Variants in AASDHPPT observed in about 807,000 individuals in gnomAD.
AASDHPPT encodes the protein aminoadipate-semialdehyde dehydrogenase-phosphopantetheinyl transferase, also known as L-aminoadipate-semialdehyde dehydrogenase-phosphopantetheinyl transferase.
Under a neutral mutation model 36.4 loss-of-function variants are expected in AASDHPPT, and 23 were observed. The observed-to-expected ratio is 0.63, with a 90% CI of 0.45 to 0.89. AASDHPPT has a LOEUF of 0.89. Among genes scored for constraint, AASDHPPT ranks in the 40% least tolerant of loss-of-function variants. The pLI is 0.00. For synonymous variants in AASDHPPT, 115 were observed against 128.0 expected, an observed-to-expected ratio of 0.90 and a Z score of 0.68; for missense variants, 377 against 378.2, an observed-to-expected ratio of 1.00 and a Z score of 0.03.
At chr11:106,092,159 A>C (rs1420410704) in intron 4 of AASDHPPT, 1 of 152,150 alleles carries the variant, frequency 6.6e-6, no homozygotes, top group African/African-American at 2.4e-5. Context: ...GTAACAGTTT[A>C]TAAACAATTT....
At chr11:106,088,237 T>A (rs1861217531) in intron 2 of AASDHPPT, among the ~76,000 whole-genome samples, 1 of 152,116 alleles carries the variant, frequency 6.6e-6, no homozygotes, top group Non-Finnish European at 1.5e-5. Flanking sequence ...ATCAGTTTTT[T>A]AATAGCATGC....
At chr11:106,081,109 G>A (rs1565410003) in intron 2 of AASDHPPT, among the ~76,000 whole-genome samples, 2 of 152,172 alleles carry the variant, frequency 1.3e-5, no homozygotes, top group Non-Finnish European at 2.9e-5. Context: ...ACCTTGCCTA[G>A]CATGTAATAG....
Position 106,079,552 on chromosome 11 carries a change from GA to G in AASDHPPT, c.273del (p.Lys91AsnfsTer40). 6.2e-7 allele frequency: 1 copy of G among 1,614,090 alleles called. No individual in the cohort carries two copies. Among genetic ancestry groups the G allele is most frequent in the East Asian group, 2.2e-5 (1 of 44,878 alleles). On this transcript the variant is annotated frameshift_variant, in exon 2 of 6. Coordinates refer to ENST00000278618, the MANE Select transcript of AASDHPPT (RefSeq NM_015423.3). LOFTEE classifies it high-confidence loss of function. ...ATTCGTTTGCAAAGAACTGCAAAAG[GA>G]AAACCAGTTCTTGCAAAGGACTCAT... The part of the protein sequence containing the change: ...NHIRLQRTAK[G>X]KPVLAKDSSN...
intron 5 of AASDHPPT, among the ~76,000 whole-genome samples, chr11:106,096,165 A>AT (rs1861311131): frequency 6.6e-6 from 1 of 152,216 alleles, no homozygotes. Flanking sequence ...TTAAAGCGCT[A>AT]TACAAAACCC....
chr11:106,077,836 C>T lies in AASDHPPT; in HGVS notation c.126C>T (p.Pro42=), dbSNP rs11553947. Residue 42 remains proline, a synonymous_variant, in exon 1 of 6, where the codon CCC becomes CCT. Coordinates refer to ENST00000278618, the MANE Select transcript of AASDHPPT (RefSeq NM_015423.3). ...TGCTGGCAGTGCGATCGATTCAGCC[C>T]GAGGAGAAGGAGCGCATTGGCCAGT... ...EWLLAVRSIQ[P]EEKERIGQFV... 9.1e-3 allele frequency: 14,724 copies of T among 1,614,176 alleles called. 180 individuals carry two copies. The highest frequency in any genetic ancestry group is 8.2e-3 in the Non-Finnish European group (9,625 of 1,180,004).
chr11:106,081,284 T>C (rs773202148), intron 2 of AASDHPPT, among the ~76,000 whole-genome samples: 104 of 152,230 alleles, frequency 6.8e-4, no homozygotes, highest in Non-Finnish European at 1.1e-3. Flanking sequence ...TACAACTCTA[T>C]TCTCAGGTTT....
chr11:106,077,672 C>T lies in AASDHPPT; in HGVS notation c.-39C>T, dbSNP rs1448448537. 6.3e-6 allele frequency: 10 copies of T among 1,594,636 alleles called. No homozygotes were observed. The highest frequency in any genetic ancestry group is 8.6e-6 in the Non-Finnish European group (10 of 1,167,048). On this transcript the variant is annotated 5_prime_UTR_variant, in exon 1 of 6. Transcript: ENST00000278618. ...GGTGGGGCCACGTTTGCGTCCGCGC[C>T]ATCAGGCCCGAGATAGCGGCGAGGT...
At chr11:106,083,681 G>C (rs1333712204) in intron 2 of AASDHPPT, among the ~76,000 whole-genome samples, 1 of 152,028 alleles carries the variant, frequency 6.6e-6, no homozygotes, top group African/African-American at 2.4e-5. Flanking sequence ...TCAATTCAGT[G>C]GATAAAAGAT....
At chr11:106,090,938 T>C (rs921213012) in intron 3 of AASDHPPT, among the ~76,000 whole-genome samples, 1 of 152,094 alleles carries the variant, frequency 6.6e-6, no homozygotes, top group Non-Finnish European at 1.5e-5. Flanking sequence ...TGATAAATAA[T>C]ATTTTCTGTC....
intron 1 of AASDHPPT, 150 bp downstream of exon 1, chr11:106,078,043 G>A: frequency 1.9e-6 from 2 of 1,078,662 alleles, no homozygotes; most frequent in Non-Finnish European, 2.6e-6. Flanking sequence ...CCGGCGCTGC[G>A]GAGTTGTGGG....
intron 2 of AASDHPPT, among the ~76,000 whole-genome samples, chr11:106,084,038 A>G (rs1452814851): frequency 2.0e-5 from 3 of 152,190 alleles, no homozygotes; most frequent in African/African-American, 7.2e-5. Context: ...AAGTGATTAG[A>G]AAATATTAAT....
intron 5 of AASDHPPT, 33 bp from the exon 6 acceptor site, chr11:106,096,710 A>G: frequency 3.3e-6 from 5 of 1,505,672 alleles, no homozygotes; most frequent in Non-Finnish European, 4.5e-6. Flanking sequence ...AACATGCAAT[A>G]TAACAATAAG....
chr11:106,084,825 G>A (rs989562069), intron 2 of AASDHPPT, among the ~76,000 whole-genome samples: 45 of 151,844 alleles, frequency 3.0e-4, no homozygotes, highest in African/African-American at 1.0e-3. Flanking sequence ...ACGTTGGCCA[G>A]GCTGGTCTCG....
intron 2 of AASDHPPT, chr11:106,086,068 G>T (rs1414928020): frequency 1.3e-5 from 2 of 152,226 alleles, no homozygotes; most frequent in African/African-American, 4.8e-5. Context: ...GTACGCGAAT[G>T]TGTGTGCTTA....
intron 5 of AASDHPPT, 133 bp downstream of exon 5, chr11:106,094,787 T>G (rs1467394355): frequency 3.6e-6 from 2 of 560,980 alleles, no homozygotes; most frequent in Non-Finnish European, 5.9e-6. Context: ...ATAGTAGTAC[T>G]CTTTATTAGC....
At position 106,083,942 on chromosome 11, in the gene AASDHPPT, A is replaced by G. The variant is rs564802814; in HGVS notation, c.409+4250A>G. Among the ~76,000 whole-genome samples the G allele has an allele frequency of 2.0e-5, 3 of 152,284 alleles. No homozygotes were observed. In the South Asian group the frequency reaches 6.2e-4, roughly 32 times the overall value. ...TTATATTCCAAAAATATAACCAAAT[A>G]CAAAAGATAAATAATAGAATAAGGA... On this transcript the variant is annotated intron_variant, in intron 2 of 5. Coordinates refer to ENST00000278618, the MANE Select transcript of AASDHPPT (RefSeq NM_015423.3).
In AASDHPPT at chr11:106,090,552, G is replaced by T; in HGVS notation, c.410-5G>T. 1.9e-6 allele frequency: 3 copies of T among 1,560,050 alleles called. No individual in the cohort carries two copies. The highest frequency in any genetic ancestry group is 2.6e-6 in the Non-Finnish European group (3 of 1,160,276). On this transcript the variant is annotated splice_region_variant and splice_polypyrimidine_tract_variant and intron_variant, in intron 2 of 5. Transcript: ENST00000278618. Reference sequence around the variant, plus strand: ...CTATTTAATTTTTTATTTCTTAATTGGCAGGTCGTGGTTCAATTCCAGAAT... The same window carrying T: ...CTATTTAATTTTTTATTTCTTAATTTGCAGGTCGTGGTTCAATTCCAGAAT...
intron 2 of AASDHPPT, among the ~76,000 whole-genome samples, chr11:106,089,360 A>G (rs1861231656): frequency 6.6e-6 from 1 of 152,066 alleles, no homozygotes; most frequent in Non-Finnish European, 1.5e-5. Flanking sequence ...AATTGGAGTA[A>G]GCCCATATTA....
intron 2 of AASDHPPT, among the ~76,000 whole-genome samples, chr11:106,090,038 G>C (rs980496619): frequency 3.3e-5 from 5 of 151,922 alleles, no homozygotes; most frequent in Admixed American, 6.6e-5. Context: ...TAAAAGAACA[G>C]TTTTCAGCTT....
Sources: gnomAD v4.1 joint callset for allele counts (sites outside exome capture counted in the v4.1 genomes callset) on GRCh38, gnomAD v4.1.1 for gene constraint, MANE v1.5 for transcripts, NCBI Gene and HGNC (gene_info 2026-07-23, HGNC 2026-07-21) for gene names.